The following CTNNA2 variants were observed in gnomAD, a reference collection of about 807,000 sequenced individuals.
CTNNA2 encodes the protein catenin alpha-2.
In CTNNA2, 42 loss-of-function variants were observed where a neutral mutation model predicts 101.0. The ratio of observed to expected loss-of-function variants is 0.42; its 90% CI spans 0.32 to 0.54. The LOEUF (loss-of-function observed/expected upper bound fraction) is 0.54. Ranked by LOEUF, CTNNA2 falls within the 20% of genes least tolerant of loss-of-function variation. The probability of loss-of-function intolerance (pLI) is 0.14; values close to 1 mark genes in which losing one functional copy is unlikely to be tolerated. For synonymous variants in CTNNA2, 450 were observed against 456.4 expected (o/e 0.99, Z 0.18); for missense variants, 871 against 1,223.1 (o/e 0.71, Z 4.29).
At chr2:79,527,463 T>C (rs1332170008) in intron 1 of CTNNA2, among the ~76,000 whole-genome samples, 2 of 109,250 alleles carry the variant, frequency 1.8e-5, no homozygotes, top group Non-Finnish European at 3.5e-5. Context: ...GACCCTTCTC[T>C]ACTAAAAATA....
intron 7 of CTNNA2, among the ~76,000 whole-genome samples, chr2:79,960,779 A>C (rs951768585): frequency 1.3e-5 from 2 of 152,184 alleles, no homozygotes; most frequent in Non-Finnish European, 2.9e-5. Flanking sequence ...CAACTGATAC[A>C]AATGAAATTG....
At chr2:80,574,066 T>G in intron 12 of CTNNA2, 97 bp from the exon 13 acceptor site, 1 of 1,318,544 alleles carries the variant, frequency 7.6e-7, no homozygotes, top group Non-Finnish European at 1.1e-6. Context: ...CACTTAACTT[T>G]TAGAATGCCC....
At chr2:79,875,802 G>A (rs1451401307) in intron 6 of CTNNA2, among the ~76,000 whole-genome samples, 2 of 151,662 alleles carry the variant, frequency 1.3e-5, no homozygotes, top group South Asian at 2.1e-4. Context: ...CTTAATAATA[G>A]GTAATTTTAT....
At chr2:79,373,315 C>T (rs759445689) in intron 3 of CTNNA2, among the ~76,000 whole-genome samples, 4 of 152,076 alleles carry the variant, frequency 2.6e-5, no homozygotes, top group Admixed American at 2.0e-4. Context: ...CAAATAAACA[C>T]GTAAATGAAT....
At chr2:79,654,361 T>C (rs1280736821) in intron 2 of CTNNA2, among the ~76,000 whole-genome samples, 1 of 152,206 alleles carries the variant, frequency 6.6e-6, no homozygotes, top group Non-Finnish European at 1.5e-5. Flanking sequence ...GGTGAAAAGT[T>C]CTAAGACCAG....
chr2:79,766,371 G>A (rs1673156296), intron 3 of CTNNA2, among the ~76,000 whole-genome samples: 1 of 152,190 alleles, frequency 6.6e-6, no homozygotes, highest in South Asian at 2.1e-4. Flanking sequence ...GGCTTGTAAG[G>A]TTTCCACTGA....
intron 1 of CTNNA2, among the ~76,000 whole-genome samples, chr2:79,187,265 C>CTTTTTTTTTTT (rs1156460356): frequency 4.7e-4 from 39 of 83,394 alleles, no homozygotes; most frequent in African/African-American, 1.7e-3. Flanking sequence ...CTTTTCTTTT[C>CTTTTTTTTTTT]TTTTCTTTTT....
At chr2:79,336,157 C>T (rs1411954111) in intron 3 of CTNNA2, among the ~76,000 whole-genome samples, 1 of 152,150 alleles carries the variant, frequency 6.6e-6, no homozygotes, top group Non-Finnish European at 1.5e-5. Flanking sequence ...TTTAGTAATG[C>T]AATTCATCTC....
chr2:80,036,490 A>T (rs776445044), intron 7 of CTNNA2, among the ~76,000 whole-genome samples: 18 of 152,184 alleles, frequency 1.2e-4, no homozygotes, highest in Non-Finnish European at 1.9e-4. Context: ...CTGTAGTCCC[A>T]GCTACTTGGG....
intron 7 of CTNNA2, among the ~76,000 whole-genome samples, chr2:80,186,065 C>G (rs938659284): frequency 3.3e-5 from 5 of 152,192 alleles, no homozygotes; most frequent in Non-Finnish European, 7.3e-5. Flanking sequence ...CAAAGCCAGA[C>G]TGTGGCCAAC....
chr2:79,716,099 A>G (rs1420861912), intron 2 of CTNNA2, among the ~76,000 whole-genome samples: 1 of 152,064 alleles, frequency 6.6e-6, no homozygotes, highest in African/African-American at 2.4e-5. Flanking sequence ...CACCTAGATG[A>G]CGTAGTGAAC....
At chr2:79,633,367 C>G (rs1378893301) in intron 1 of CTNNA2, among the ~76,000 whole-genome samples, 1 of 152,106 alleles carries the variant, frequency 6.6e-6, no homozygotes, top group Non-Finnish European at 1.5e-5. Flanking sequence ...CCAGAAGTCC[C>G]CAGCTGAGTT....
chr2:80,568,566 C>CGTGTGTGTGTGTGTGTGTGT (rs36104924), intron 12 of CTNNA2, among the ~76,000 whole-genome samples: 1 of 149,310 alleles, frequency 6.7e-6, no homozygotes, highest in African/African-American at 2.5e-5. Context: ...TAATGGTGTG[C>CGTGTGTGTGTGTGTGTGTGT]GTGTGTGTGT....
chr2:80,563,394 C>T (rs1374027001), intron 12 of CTNNA2, among the ~76,000 whole-genome samples: 1 of 152,184 alleles, frequency 6.6e-6, no homozygotes, highest in Non-Finnish European at 1.5e-5. Flanking sequence ...ACATGTGGTA[C>T]ATCCTTGGAG....
intron 4 of CTNNA2, among the ~76,000 whole-genome samples, chr2:79,480,578 TG>T (rs1671098108): frequency 6.6e-6 from 1 of 152,212 alleles, no homozygotes. Context: ...CTTCTACATT[TG>T]TTATCTTTTT....
intron 7 of CTNNA2, among the ~76,000 whole-genome samples, chr2:80,284,353 C>G (rs2149165490): frequency 1.3e-5 from 2 of 152,208 alleles, no homozygotes; most frequent in Middle Eastern, 6.8e-3. Context: ...AAACAACTGT[C>G]AAGATTTTGG....
intron 9 of CTNNA2, among the ~76,000 whole-genome samples, chr2:80,491,300 T>G (rs755008098): frequency 3.3e-5 from 5 of 152,198 alleles, no homozygotes; most frequent in Non-Finnish European, 5.9e-5. Context: ...GAATGGCCCC[T>G]ATTCCCTTGA....
At chr2:79,286,382 C>T (rs530325551) in intron 2 of CTNNA2, among the ~76,000 whole-genome samples, 404 of 152,132 alleles carry the variant, frequency 2.7e-3, no homozygotes, top group Non-Finnish European at 4.6e-3. Flanking sequence ...GATTTTGCAG[C>T]GGCTGGTACC....
chr2:80,421,570 A>C (rs745834843), intron 9 of CTNNA2, among the ~76,000 whole-genome samples: 1 of 152,154 alleles, frequency 6.6e-6, no homozygotes, highest in Non-Finnish European at 1.5e-5. Context: ...TGTTCACTAC[A>C]TGTGATTCTT....
Sources: allele counts gnomAD v4.1 joint callset (sites outside exome capture counted in the v4.1 genomes callset), GRCh38; gene constraint gnomAD v4.1.1; transcripts MANE v1.5; gene names NCBI Gene and HGNC (gene_info 2026-07-23, HGNC 2026-07-21).